The following VPS13B variants were observed in gnomAD, a reference collection of about 807,000 sequenced individuals.
The protein encoded by VPS13B is intermembrane lipid transfer protein VPS13B.
In VPS13B, 285 loss-of-function variants were observed where a neutral mutation model predicts 426.4. That is an observed-to-expected ratio of 0.67 (90% confidence interval 0.61 to 0.74). VPS13B has a LOEUF of 0.74. Among genes scored for constraint, VPS13B ranks in the 30% least tolerant of loss-of-function variants. VPS13B has a pLI of 0.00. For synonymous variants in VPS13B, 1,676 were observed against 1,676.4 expected (o/e 1.00, Z 0.01); for missense variants, 4,537 against 4,782.6 (o/e 0.95, Z 1.51).
Position 99,832,490 on chromosome 8 carries a change from A to C in VPS13B, c.9452A>C (p.Asp3151Ala). 1 of 1,613,412 alleles carries C rather than the reference A, an allele frequency of 6.2e-7. No homozygotes were observed. Among genetic ancestry groups the C allele is most frequent in the Non-Finnish European group, 8.5e-7 (1 of 1,179,934 alleles). The change falls in exon 52 of 62, where the codon GAT (aspartate) becomes GCT (alanine). Residue 3151 changes from aspartate to alanine, a missense_variant. Asp to Ala is a moderately radical substitution (Grantham distance 126). This residue lies in a region of VPS13B where 4,311 missense variants were observed against 4,474.3 expected (regional missense o/e 0.96). Transcript: ENST00000357162. ...LMPDISQSVL[D>A]ASLLQKQIML... ...CCTGACATCAGTCAGTCAGTACTGG[A>C]TGCATCCCTGCTTCAGAAACAGATC...
At chr8:99,453,324 C>G (rs1217443577) in intron 23 of VPS13B, among the ~76,000 whole-genome samples, 1 of 151,986 alleles carries the variant, frequency 6.6e-6, no homozygotes, top group African/African-American at 2.4e-5. Flanking sequence ...GACTTTAATC[C>G]TCAAACCGTG....
chr8:99,225,070 C>T lies in VPS13B; in HGVS notation c.2515+32013C>T, dbSNP rs190195308. ...ACTCTCTTCTGATTTGTGGGCTCTTCTCCTTTGTCTTTTTATCGTTGATCT... is the reference window on the plus strand; with the variant it reads ...ACTCTCTTCTGATTTGTGGGCTCTTTTCCTTTGTCTTTTTATCGTTGATCT... On this transcript the variant is annotated intron_variant, in intron 17 of 61. Transcript: ENST00000357162. Among the ~76,000 whole-genome samples the T allele has an allele frequency of 8.3e-4, 127 of 152,252 alleles. 1 individual carries two copies. The highest frequency in any genetic ancestry group is 7.4e-5 in the Non-Finnish European group (5 of 68,012).
chr8:99,442,594 A>G lies in VPS13B; in HGVS notation c.3404A>G (p.Gln1135Arg). Residue 1135 changes from glutamine to arginine, a missense_variant, in exon 23 of 62, where the codon CAG (glutamine) becomes CGG (arginine). Physicochemically the swap from Gln to Arg is conservative, Grantham distance 43. Around this residue, in one of 2 missense-constraint regions of VPS13B, gnomAD observed 4,311 missense variants for 4,474.3 expected, o/e 0.96. Coordinates refer to ENST00000357162, the MANE Select transcript of VPS13B (RefSeq NM_152564.5). ...SAGHKYMEPL[Q>R]EIPFVIPRPI... The stretch of plus-strand genomic sequence containing the variant: ...GGGCACAAGTATATGGAACCTCTGC[A>G]GGAGATTCCATTTGTTATCCCACGA... The G allele has an allele frequency of 1.2e-6, 2 of 1,614,004 alleles. No homozygotes were observed. The highest frequency in any genetic ancestry group is 1.7e-6 in the Non-Finnish European group (2 of 1,179,896).
intron 19 of VPS13B, among the ~76,000 whole-genome samples, chr8:99,382,809 C>A (rs951796540): frequency 1.3e-5 from 2 of 152,112 alleles, no homozygotes; most frequent in Non-Finnish European, 2.9e-5. Context: ...GCCTTTATTT[C>A]TTTCTCTTTC....
chr8:99,828,409 T>G (rs1233847903), intron 51 of VPS13B, among the ~76,000 whole-genome samples: 38 of 76,752 alleles, frequency 5.0e-4, no homozygotes, highest in South Asian at 3.6e-3. Flanking sequence ...TTTTTTTTTT[T>G]TTTTTTTTTT....
At chr8:99,260,663 T>TC (rs1353756991) in intron 17 of VPS13B, among the ~76,000 whole-genome samples, 1 of 152,000 alleles carries the variant, frequency 6.6e-6, no homozygotes, top group Non-Finnish European at 1.5e-5. Context: ...GATCACTAGA[T>TC]CACTTCTTTG....
intron 23 of VPS13B, among the ~76,000 whole-genome samples, chr8:99,463,192 A>T (rs1818926727): frequency 6.6e-6 from 1 of 152,214 alleles, no homozygotes; most frequent in Admixed American, 6.5e-5. Flanking sequence ...TATTCTTTTC[A>T]GTCCCTTCTT....
At chr8:99,603,876 G>T (rs1827440759) in intron 33 of VPS13B, among the ~76,000 whole-genome samples, 1 of 152,138 alleles carries the variant, frequency 6.6e-6, no homozygotes, top group African/African-American at 2.4e-5. Flanking sequence ...CATCTATTAA[G>T]GAATAAGTAG....
rs1160134126 is a variant in VPS13B, at chr8:99,726,957, C to G, written c.7050+5910C>G. Among the ~76,000 whole-genome samples the G allele has an allele frequency of 2.6e-5, 4 of 152,134 alleles. 1 individual carries two copies. The highest frequency in any genetic ancestry group is 6.5e-5 in the Admixed American group (1 of 15,284). Reference sequence around the variant, plus strand: ...GGTAGAGATCTCTGTTATTTTTGCTCCAGTGGGCATTTCTGATCACTTGTG... The same window carrying G: ...GGTAGAGATCTCTGTTATTTTTGCTGCAGTGGGCATTTCTGATCACTTGTG... On this transcript the variant is annotated intron_variant, in intron 39 of 61. Transcript: ENST00000357162.
intron 19 of VPS13B, among the ~76,000 whole-genome samples, chr8:99,299,818 G>A (rs1588222862): frequency 6.6e-6 from 1 of 152,108 alleles, no homozygotes; most frequent in South Asian, 2.1e-4. Context: ...GCTGAGGCAG[G>A]AGAATTGTTT....
At chr8:99,218,058 G>C in intron 17 of VPS13B, among the ~76,000 whole-genome samples, 1 of 152,152 alleles carries the variant, frequency 6.6e-6, no homozygotes, top group Admixed American at 6.5e-5. Context: ...AGACTGTCTT[G>C]AGATTGTTTT....
chr8:99,519,203 G>A (rs1000839403), intron 29 of VPS13B, among the ~76,000 whole-genome samples: 1 of 151,974 alleles, frequency 6.6e-6, no homozygotes, highest in African/African-American at 2.4e-5. Flanking sequence ...ATTTGTTTGA[G>A]TTCTTCATCA....
chr8:99,870,028 C>T (rs1380905942), intron 59 of VPS13B, among the ~76,000 whole-genome samples: 5 of 152,166 alleles, frequency 3.3e-5, no homozygotes, highest in South Asian at 2.1e-4. Flanking sequence ...TATATGGATT[C>T]GTGTTTAACA....
At chr8:99,201,052 T>G (rs997788976) in intron 17 of VPS13B, among the ~76,000 whole-genome samples, 1 of 152,118 alleles carries the variant, frequency 6.6e-6, no homozygotes, top group African/African-American at 2.4e-5. Context: ...TTTAGCTTCA[T>G]TCCCATTGGC....
At chr8:99,418,785 C>T (rs1198396226) in intron 21 of VPS13B, among the ~76,000 whole-genome samples, 1 of 152,142 alleles carries the variant, frequency 6.6e-6, no homozygotes. Context: ...GTGTGTATCA[C>T]TCTTTTGTCA....
intron 19 of VPS13B, among the ~76,000 whole-genome samples, chr8:99,335,425 T>G (rs1012548490): frequency 6.6e-6 from 1 of 152,196 alleles, no homozygotes; most frequent in Admixed American, 6.6e-5. Context: ...CTTTTGCTTT[T>G]CTAGTTCTTT....
Position 99,275,406 on chromosome 8 carries a change from G to T in VPS13B, c.2824+152G>T, listed in dbSNP as rs1282458138. ...TGTGCTTTTTCAAAATTCAAATGAA[G>T]AATTTTTGTATCACTTTTGTTAATT... is the stretch of plus-strand genomic sequence containing the variant. On this transcript the variant is annotated intron_variant, in intron 19 of 61. Coordinates refer to ENST00000357162, the MANE Select transcript of VPS13B (RefSeq NM_152564.5). 3.9e-4 allele frequency: 270 copies of T among 694,044 alleles called. 1 individual carries two copies. The highest frequency in any genetic ancestry group is 5.2e-5 in the Non-Finnish European group (23 of 442,440). The allele number at this position is 694,044 out of a possible 1,614,324, so 43.0% of individuals were successfully genotyped here. A position where few individuals can be genotyped will look rare whatever the true frequency, so the allele number is the denominator to read the frequency against.
chr8:99,360,226 CTTTCTT>C (rs1252568778), intron 19 of VPS13B, among the ~76,000 whole-genome samples: 1,747 of 19,034 alleles, frequency 0.092, 152 homozygotes, highest in African/African-American at 0.12. Context: ...TTCTTTCTTT[CTTTCTT>C]TCTCTCTCTC....
chr8:99,571,428 A>G (rs1357608817), intron 31 of VPS13B, among the ~76,000 whole-genome samples: 2 of 152,160 alleles, frequency 1.3e-5, no homozygotes, highest in East Asian at 3.8e-4. Context: ...ATAAAACTTA[A>G]TACTATATAC....
Sources: gnomAD v4.1 joint callset for allele counts (sites outside exome capture counted in the v4.1 genomes callset) on GRCh38, gnomAD v4.1.1 for gene constraint, gnomAD v4.1.1 regional missense constraint, MANE v1.5 for transcripts, NCBI Gene and HGNC (gene_info 2026-07-23, HGNC 2026-07-21) for gene names.